The following GNAQ variants were observed in gnomAD, a reference collection of about 807,000 sequenced individuals.
The protein encoded by GNAQ is G protein subunit alpha q, also known as guanine nucleotide-binding protein G(q) subunit alpha.
GNAQ carries 8 observed loss-of-function variants against 43.9 expected under a neutral mutation model. That is an observed-to-expected ratio of 0.18 (90% CI 0.11 to 0.33). The LOEUF (loss-of-function observed/expected upper bound fraction) is 0.33, where lower values mean the gene tolerates loss of function less well. Ranked by LOEUF, GNAQ falls within the 10% of genes least tolerant of loss-of-function variation. The probability of loss-of-function intolerance (pLI) is 1.00; values close to 1 mark genes in which losing one functional copy is unlikely to be tolerated. For synonymous variants in GNAQ, 155 were observed against 170.7 expected (o/e 0.91, Z 0.71); for missense variants, 158 against 450.8 (o/e 0.35, Z 5.88).
intron 2 of GNAQ, among the ~76,000 whole-genome samples, chr9:77,883,635 T>G (rs1377040747): frequency 6.6e-6 from 1 of 151,654 alleles, no homozygotes; most frequent in Non-Finnish European, 1.5e-5. Context: ...TTTTCAACCC[T>G]TGCCCCCGCC....
intron 6 of GNAQ, among the ~76,000 whole-genome samples, chr9:77,722,537 A>C (rs1825333138): frequency 6.6e-6 from 1 of 152,196 alleles, no homozygotes; most frequent in Admixed American, 6.5e-5. Context: ...AGATAAACTA[A>C]AAATGTAATT....
intron 5 of GNAQ, among the ~76,000 whole-genome samples, chr9:77,789,156 C>A (rs561772938): frequency 6.6e-6 from 1 of 152,116 alleles, no homozygotes; most frequent in South Asian, 2.1e-4. Context: ...TCCTTACTGT[C>A]CTTTCATCCA....
intron 2 of GNAQ, among the ~76,000 whole-genome samples, chr9:77,858,118 T>C (rs965805845): frequency 6.6e-6 from 1 of 152,138 alleles, no homozygotes; most frequent in Non-Finnish European, 1.5e-5. Context: ...CAGCTCTCTC[T>C]GCTCACCCCA....
At chr9:78,017,206 A>G (rs1034254676) in intron 1 of GNAQ, among the ~76,000 whole-genome samples, 2 of 152,180 alleles carry the variant, frequency 1.3e-5, no homozygotes, top group Non-Finnish European at 2.9e-5. Flanking sequence ...GTATCTGCCA[A>G]TTTCTGTGGT....
intron 2 of GNAQ, among the ~76,000 whole-genome samples, chr9:77,901,540 C>T (rs1181624750): frequency 6.6e-6 from 1 of 152,114 alleles, no homozygotes; most frequent in East Asian, 1.9e-4. Context: ...CTCCTTAGGC[C>T]GAGCTGGAGC....
intron 3 of GNAQ, among the ~76,000 whole-genome samples, chr9:77,798,925 A>G (rs1826701304): frequency 6.6e-6 from 1 of 152,206 alleles, no homozygotes; most frequent in South Asian, 2.1e-4. Context: ...GATTTGTGTA[A>G]TAACACCACA....
At chr9:77,727,344 G>A (rs891241978) in intron 6 of GNAQ, among the ~76,000 whole-genome samples, 4 of 152,128 alleles carry the variant, frequency 2.6e-5, no homozygotes, top group Admixed American at 6.5e-5. Flanking sequence ...GGCAGCAGTC[G>A]TGACTCTCAC....
intron 2 of GNAQ, among the ~76,000 whole-genome samples, chr9:77,830,433 G>T (rs1001110048): frequency 6.6e-6 from 1 of 152,128 alleles, no homozygotes. Flanking sequence ...TAACAATGGC[G>T]CCAGGACTTG....
intron 1 of GNAQ, among the ~76,000 whole-genome samples, chr9:77,982,396 G>C (rs1823378823): frequency 6.6e-6 from 1 of 152,158 alleles, no homozygotes; most frequent in South Asian, 2.1e-4. Flanking sequence ...GCAAGTTAAA[G>C]ATCAGTCAAT....
chr9:78,026,607 G>T (rs747414175), intron 1 of GNAQ, among the ~76,000 whole-genome samples: 6 of 152,082 alleles, frequency 3.9e-5, no homozygotes, highest in African/African-American at 1.4e-4. Context: ...TCACTCAATG[G>T]TTCTGAGTCA....
intron 1 of GNAQ, among the ~76,000 whole-genome samples, chr9:78,019,859 G>A (rs1823885014): frequency 1.3e-5 from 2 of 151,184 alleles, no homozygotes; most frequent in Admixed American, 1.3e-4. Flanking sequence ...GGGAGGCAGA[G>A]GGTGCAGTGA....
chr9:77,761,235 C>T (rs1385012403), intron 5 of GNAQ, among the ~76,000 whole-genome samples: 1 of 139,652 alleles, frequency 7.2e-6, no homozygotes, highest in African/African-American at 2.7e-5. Flanking sequence ...AAGTGAGGAG[C>T]CCCTCTGCCC....
rs556930557 is a variant in GNAQ, at chr9:77,735,642, A to T, written c.736-6975T>A. ...TCCTATCTGATGTCAACGCTTTGAG[A>T]ATTCAAAACACATTCTGGGCCAAAC... On this transcript the variant is annotated intron_variant, in intron 5 of 6. Coordinates refer to ENST00000286548, the MANE Select transcript of GNAQ (RefSeq NM_002072.5). 2.0e-5 allele frequency among the ~76,000 whole-genome samples: 3 copies of T among 152,308 alleles called. No homozygotes were observed. In the South Asian group the frequency reaches 6.2e-4, roughly 32 times the overall value.
At chr9:77,749,199 A>C (rs10869963) in intron 5 of GNAQ, among the ~76,000 whole-genome samples, 127,378 of 152,160 alleles carry the variant, frequency 0.84, 53,777 homozygotes, top group African/African-American at 0.94. Flanking sequence ...GCTGCCATGG[A>C]CCCATTCTTG....
At chr9:77,991,555 C>T (rs148598884) in intron 1 of GNAQ, among the ~76,000 whole-genome samples, 7 of 152,188 alleles carry the variant, frequency 4.6e-5, no homozygotes, top group African/African-American at 1.4e-4. Context: ...TATTCCCCTC[C>T]CTCCTTCTTA....
rs575142649 is a variant in GNAQ, at chr9:77,865,126, T to A, written c.322-49356A>T. 1.5e-4 allele frequency among the ~76,000 whole-genome samples: 23 copies of A among 152,198 alleles called. No individual in the cohort carries two copies. In the East Asian group the frequency reaches 4.5e-3, roughly 29 times the overall value. On this transcript the variant is annotated intron_variant, in intron 2 of 6. Coordinates refer to ENST00000286548, the MANE Select transcript of GNAQ (RefSeq NM_002072.5). ...TGACTCCACATTTGTCAGTAATCTA[T>A]GAATTTCTTTTAACTTAACAAACAG...
intron 1 of GNAQ, among the ~76,000 whole-genome samples, chr9:77,969,940 C>T (rs900553909): frequency 1.3e-5 from 2 of 152,134 alleles, no homozygotes; most frequent in Admixed American, 6.6e-5. Context: ...AACCTTGTTA[C>T]GAAAGTGATG....
rs1825282667 is a variant in GNAQ, at chr9:77,719,797, G to C, written c.*1526C>G. On this transcript the variant is annotated 3_prime_UTR_variant, in exon 7 of 7. Coordinates refer to ENST00000286548, the MANE Select transcript of GNAQ (RefSeq NM_002072.5). ...AGAATTCCAAACATTTCTCCTGGTA[G>C]GTTCAGTTACACAAATACATGTTCT... 4.3e-6 allele frequency: 1 copy of C among 232,552 alleles called. No homozygotes were observed. 14.4% of individuals were successfully genotyped at this position (232,552 alleles called of 1,614,324 possible).
intron 5 of GNAQ, among the ~76,000 whole-genome samples, chr9:77,737,099 G>C (rs1300329025): frequency 6.6e-6 from 1 of 152,066 alleles, no homozygotes; most frequent in East Asian, 1.9e-4. Context: ...GGTATTTAAC[G>C]GTTTGTGTAT....
Sources: gnomAD v4.1 joint callset for allele counts (sites outside exome capture counted in the v4.1 genomes callset) on GRCh38, gnomAD v4.1.1 for gene constraint, MANE v1.5 for transcripts, NCBI Gene and HGNC (gene_info 2026-07-23, HGNC 2026-07-21) for gene names.